NEK10: variants seen among roughly 807,000 people sequenced by gnomAD.
The protein encoded by NEK10 is serine/threonine-protein kinase Nek10.
A neutral mutation model predicts 159.8 loss-of-function variants in NEK10; 122 were observed. The observed-to-expected ratio is 0.76, with a 90% CI of 0.66 to 0.89. The LOEUF (loss-of-function observed/expected upper bound fraction) is 0.89. Among genes scored for constraint, NEK10 ranks in the 40% least tolerant of loss-of-function variants. The pLI, the probability that NEK10 is intolerant of heterozygous loss-of-function variation, is 0.00. For synonymous variants in NEK10, 466 were observed against 457.1 expected, an observed-to-expected ratio of 1.02 and a Z score of -0.25; for missense variants, 1,342 against 1,323.1, an observed-to-expected ratio of 1.01 and a Z score of -0.22.
intron 6 of NEK10, among the ~76,000 whole-genome samples, chr3:27,318,755 C>A (rs1179080368): frequency 6.6e-6 from 1 of 152,164 alleles, no homozygotes; most frequent in Non-Finnish European, 1.5e-5. Flanking sequence ...CTTTGAAAAC[C>A]ATTATGCTAC....
chr3:27,317,532 T>C (rs1204372415), intron 6 of NEK10, among the ~76,000 whole-genome samples: 1 of 152,176 alleles, frequency 6.6e-6, no homozygotes, highest in East Asian at 1.9e-4. Flanking sequence ...ACCCCCTGAA[T>C]TGTTCCTTTT....
chr3:27,144,613 C>T (rs748821367), intron 30 of NEK10, among the ~76,000 whole-genome samples: 1 of 152,172 alleles, frequency 6.6e-6, no homozygotes, highest in African/African-American at 2.4e-5. Flanking sequence ...TATCTAAACG[C>T]TAGTGAGGTT....
At chr3:27,307,459 C>T (rs1333680847) in intron 11 of NEK10, among the ~76,000 whole-genome samples, 1 of 152,142 alleles carries the variant, frequency 6.6e-6, no homozygotes, top group African/African-American at 2.4e-5. Flanking sequence ...AAGTCAGTTG[C>T]TATCTTATTT....
intron 1 of NEK10, among the ~76,000 whole-genome samples, chr3:27,357,735 T>A (rs545199242): frequency 1.3e-5 from 2 of 152,282 alleles, no homozygotes; most frequent in Non-Finnish European, 2.9e-5. Flanking sequence ...ATTATTAAAG[T>A]CTATCTTTTT....
At chr3:27,224,272 G>C (rs1452251681) in intron 23 of NEK10, among the ~76,000 whole-genome samples, 2 of 152,184 alleles carry the variant, frequency 1.3e-5, no homozygotes, top group African/African-American at 4.8e-5. Context: ...TCAGCTGTCT[G>C]GCTTCTTAGG....
chr3:27,340,807 TA>T (rs1387133706), intron 5 of NEK10, among the ~76,000 whole-genome samples: 1 of 151,974 alleles, frequency 6.6e-6, no homozygotes. Context: ...CTCAAAAAAA[TA>T]AAAATAGAAC....
chr3:27,119,170 A>C (rs1940932177), intron 33 of NEK10, among the ~76,000 whole-genome samples: 1 of 152,168 alleles, frequency 6.6e-6, no homozygotes, highest in Non-Finnish European at 1.5e-5. Context: ...CTTGTGATGC[A>C]AGTATTTATC....
chr3:27,201,854 A>G (rs1039656911), intron 24 of NEK10, among the ~76,000 whole-genome samples: 1 of 152,190 alleles, frequency 6.6e-6, no homozygotes, highest in Non-Finnish European at 1.5e-5. Context: ...AGTAGTCCAG[A>G]CTGCAATTAA....
intron 5 of NEK10, among the ~76,000 whole-genome samples, chr3:27,330,712 A>T (rs538200502): frequency 2.0e-5 from 3 of 152,168 alleles, no homozygotes; most frequent in African/African-American, 4.8e-5. Context: ...GGGATAAAAG[A>T]CTATAAAGAG....
chr3:27,120,900 A>C (rs1941212153), intron 32 of NEK10, among the ~76,000 whole-genome samples: 1 of 152,192 alleles, frequency 6.6e-6, no homozygotes, highest in South Asian at 2.1e-4. Flanking sequence ...ATAAATTCAT[A>C]ATAATAAGTC....
intron 31 of NEK10, among the ~76,000 whole-genome samples, chr3:27,135,345 A>G (rs562809263): frequency 1.3e-5 from 2 of 152,342 alleles, no homozygotes; most frequent in African/African-American, 2.4e-5. Flanking sequence ...ACAAATGAAG[A>G]AAGTGACTCT....
At chr3:27,137,057 T>C (rs891504842) in intron 31 of NEK10, among the ~76,000 whole-genome samples, 2 of 152,224 alleles carry the variant, frequency 1.3e-5, no homozygotes, top group Admixed American at 1.3e-4. Context: ...TAGTATAATA[T>C]TTACATGTAT....
chr3:27,255,844 A>G (rs1007870386), intron 23 of NEK10, among the ~76,000 whole-genome samples: 6 of 152,196 alleles, frequency 3.9e-5, no homozygotes, highest in African/African-American at 1.4e-4. Flanking sequence ...ATTATTTGCC[A>G]GATACTAGGA....
intron 5 of NEK10, among the ~76,000 whole-genome samples, chr3:27,329,298 T>C (rs6778612): frequency 0.8 from 121,378 of 152,164 alleles, 48,484 homozygotes; most frequent in East Asian, 0.88. Context: ...TACCCAGTCT[T>C]GAGTATGTCT....
intron 3 of NEK10, among the ~76,000 whole-genome samples, chr3:27,348,546 G>A (rs1043747066): frequency 2.6e-5 from 4 of 152,148 alleles, no homozygotes; most frequent in Admixed American, 2.0e-4. Flanking sequence ...TGGGTCCCCA[G>A]TTTGTCTATC....
intron 22 of NEK10, among the ~76,000 whole-genome samples, chr3:27,264,526 C>T (rs1023082182): frequency 6.6e-6 from 1 of 152,292 alleles, no homozygotes; most frequent in African/African-American, 2.4e-5. Flanking sequence ...GAAGCCTGAA[C>T]ACCAGCAGTA....
rs568184438 is a variant in NEK10 at position 27,278,295 on chromosome 3, T to C, written c.2014+6307A>G. 8.5e-5 allele frequency among the ~76,000 whole-genome samples: 13 copies of C among 152,322 alleles called. No homozygotes were observed. In the South Asian group the frequency reaches 2.7e-3, roughly 32 times the overall value. On this transcript the variant is annotated intron_variant, in intron 22 of 35. Transcript: ENST00000691995. ...ATCACTCTGTAACAGAATTATAAGCTTCATTAAGACAGGGGTTATGTCCTT... is the reference window on the plus strand; with the variant it reads ...ATCACTCTGTAACAGAATTATAAGCCTCATTAAGACAGGGGTTATGTCCTT...
At chr3:27,236,906 C>A (rs942502040) in intron 23 of NEK10, among the ~76,000 whole-genome samples, 2 of 152,114 alleles carry the variant, frequency 1.3e-5, no homozygotes, top group African/African-American at 4.8e-5. Context: ...AGGGTGGGAT[C>A]TTTTCCCCAC....
rs532357550 is a variant in NEK10 at position 27,321,628 on chromosome 3, T to C, written c.447+549A>G. Among the ~76,000 whole-genome samples the C allele has an allele frequency of 3.3e-5, 5 of 152,302 alleles. No homozygotes were observed. In the South Asian group the frequency reaches 1.0e-3, roughly 32 times the overall value. On this transcript the variant is annotated intron_variant, in intron 6 of 35. Transcript: ENST00000691995. ...GTGGAGAGTGCTAGGATTATAGGCG[T>C]GAGCCACCATGCCCAACCAGGAAAA... is the stretch of plus-strand genomic sequence containing the variant.
Sources: gnomAD v4.1 joint callset for allele counts (sites outside exome capture counted in the v4.1 genomes callset) on GRCh38, gnomAD v4.1.1 for gene constraint, MANE v1.5 for transcripts, NCBI Gene and HGNC (gene_info 2026-07-23, HGNC 2026-07-21) for gene names.